Variants in DCC observed in about 807,000 individuals in gnomAD.
DCC encodes the protein netrin receptor DCC.
In DCC, 58 loss-of-function variants were observed where a neutral mutation model predicts 172.5. The ratio of observed to expected loss-of-function variants is 0.34; its 90% CI spans 0.27 to 0.42. The LOEUF (loss-of-function observed/expected upper bound fraction) is 0.42, where lower values mean the gene tolerates loss of function less well. Among genes scored for constraint, DCC ranks in the 10% least tolerant of loss-of-function variants. The probability of loss-of-function intolerance (pLI) is 1.00; values close to 1 mark genes in which losing one functional copy is unlikely to be tolerated. For synonymous variants in DCC, 709 were observed against 644.5 expected (o/e 1.10, Z -1.52); for missense variants, 1,740 against 1,791.0 (o/e 0.97, Z 0.51).
At chr18:53,504,370 G>T (rs905570147) in intron 27 of DCC, among the ~76,000 whole-genome samples, 1 of 152,142 alleles carries the variant, frequency 6.6e-6, no homozygotes, top group Admixed American at 6.5e-5. Flanking sequence ...CATTTTAAAG[G>T]CCAGTCAGAT....
intron 12 of DCC, among the ~76,000 whole-genome samples, chr18:53,253,750 C>T (rs1287189393): frequency 2.0e-5 from 3 of 152,054 alleles, no homozygotes; most frequent in African/African-American, 7.2e-5. Flanking sequence ...ATTTCTTAGA[C>T]TAAGACACCT....
intron 1 of DCC, among the ~76,000 whole-genome samples, chr18:52,485,861 A>G (rs2030192823): frequency 6.6e-6 from 1 of 152,164 alleles, no homozygotes; most frequent in East Asian, 1.9e-4. Context: ...CAAAAATAAA[A>G]TAATTTTTAT....
intron 9 of DCC, among the ~76,000 whole-genome samples, chr18:53,180,249 T>C (rs1381539958): frequency 1.3e-5 from 2 of 152,154 alleles, no homozygotes; most frequent in African/African-American, 4.8e-5. Flanking sequence ...GACAAGATGA[T>C]AACAAATTGG....
chr18:52,950,393 C>G (rs902840442), intron 5 of DCC, among the ~76,000 whole-genome samples: 3 of 152,180 alleles, frequency 2.0e-5, no homozygotes, highest in African/African-American at 7.2e-5. Flanking sequence ...TCTTTAAAAA[C>G]CATCACCACA....
chr18:53,481,837 G>A (rs1260078125), intron 25 of DCC, among the ~76,000 whole-genome samples: 3 of 152,136 alleles, frequency 2.0e-5, no homozygotes, highest in Non-Finnish European at 4.4e-5. Flanking sequence ...CTTGTTCAGG[G>A]AGCTAAGTAA....
chr18:53,167,357 C>T (rs4245257), intron 8 of DCC, among the ~76,000 whole-genome samples: 61,392 of 151,930 alleles, frequency 0.4, 13,339 homozygotes, highest in East Asian at 0.71. Flanking sequence ...CTTGTAGATA[C>T]AGGAGATTTT....
chr18:52,752,278 A>G lies in DCC; in HGVS notation c.316A>G (p.Arg106Gly). The G allele has an allele frequency of 6.2e-7, 1 of 1,614,172 alleles. No homozygotes were observed. The highest frequency in any genetic ancestry group is 8.5e-7 in the Non-Finnish European group (1 of 1,180,026). The change falls in exon 2 of 29, where the codon AGA becomes GGA. Residue 106 changes from arginine (R) to glycine (G), a missense_variant. Around this residue, in one of 2 missense-constraint regions of DCC, gnomAD observed 1,732 missense variants for 1,767.4 expected, o/e 0.98. Transcript: ENST00000442544. ...SLLIQNILHS[R>G]HHKPDEGLYQ... ...GCTGATACAAAACATACTTCATTCCAGACACCACAAGCCAGATGAGGGACT... is the reference window on the plus strand; with the variant it reads ...GCTGATACAAAACATACTTCATTCCGGACACCACAAGCCAGATGAGGGACT...
In DCC at chr18:52,765,200, ATTTTTTTT is replaced by A. The variant is rs563633847; in HGVS notation, c.412+12837_412+12844del. Among the ~76,000 whole-genome samples, 71 of 138,176 alleles carry A rather than the reference ATTTTTTTT, an allele frequency of 5.1e-4. 1 individual carries two copies. Among genetic ancestry groups the A allele is most frequent in the African/African-American group, 1.6e-3 (58 of 37,318 alleles). 90.6% of individuals were successfully genotyped at this position (138,176 alleles called of 152,430 possible). A position where few individuals can be genotyped will look rare whatever the true frequency, so the allele number is the denominator to read the frequency against. The stretch of plus-strand genomic sequence containing the variant: ...AGGCATGTGCTAGCACTCCTGGCTA[ATTTTTTTT>A]TTTTTTTTTTGTATTTTTAGTAGAG... On this transcript the variant is annotated intron_variant, in intron 2 of 28. Transcript: ENST00000442544.
chr18:53,202,568 G>A (rs1371647572), intron 9 of DCC, among the ~76,000 whole-genome samples: 3 of 152,194 alleles, frequency 2.0e-5, no homozygotes, highest in African/African-American at 4.8e-5. Flanking sequence ...ATTAGTAGAT[G>A]CTAAATCTAT....
At chr18:52,911,729 C>T (rs1000377834) in intron 3 of DCC, among the ~76,000 whole-genome samples, 77 of 94,080 alleles carry the variant, frequency 8.2e-4, no homozygotes, top group African/African-American at 2.2e-3. Context: ...TCATATTTAA[C>T]ATTTTTTTTT....
At chr18:53,027,679 C>T (rs1251472200) in intron 5 of DCC, among the ~76,000 whole-genome samples, 1 of 152,094 alleles carries the variant, frequency 6.6e-6, no homozygotes, top group Admixed American at 6.6e-5. Context: ...TTTCTCTCTT[C>T]TTTTTCTGTC....
chr18:53,311,062 C>T (rs1270475912), intron 13 of DCC, among the ~76,000 whole-genome samples: 2 of 151,776 alleles, frequency 1.3e-5, no homozygotes, highest in Non-Finnish European at 2.9e-5. Context: ...GCAGGAAACA[C>T]AGAATTCGTC....
Position 52,807,564 on chromosome 18 carries a change from G to A in DCC, c.412+55190G>A, listed in dbSNP as rs576499608. On this transcript the variant is annotated intron_variant, in intron 2 of 28. Coordinates refer to ENST00000442544, the MANE Select transcript of DCC (RefSeq NM_005215.4). ...TAGTAATGAATAGCAAAAAGAGGAT[G>A]CTGGAGGCTTTAATGGAAGAAGAAA... Among the ~76,000 whole-genome samples, 7 of 152,316 alleles carry A rather than the reference G, an allele frequency of 4.6e-5. No individual in the cohort carries two copies. The East Asian group carries it at 1.4e-3, about 29-fold the overall frequency.
At chr18:53,511,384 C>T (rs143835499) in intron 27 of DCC, among the ~76,000 whole-genome samples, 12 of 152,336 alleles carry the variant, frequency 7.9e-5, no homozygotes, top group African/African-American at 2.9e-4. Flanking sequence ...GCTGGGACTT[C>T]TGGAGTCAGG....
intron 5 of DCC, among the ~76,000 whole-genome samples, chr18:53,051,779 T>C (rs2042337279): frequency 1.3e-5 from 2 of 152,142 alleles, no homozygotes; most frequent in African/African-American, 4.8e-5. Context: ...ATATCTTATA[T>C]ATCTTTACGC....
chr18:53,322,444 T>A (rs1320243447), intron 14 of DCC, among the ~76,000 whole-genome samples: 1 of 152,296 alleles, frequency 6.6e-6, no homozygotes, highest in East Asian at 1.9e-4. Flanking sequence ...TTCTATTTAT[T>A]TTATTTTGAA....
At chr18:53,002,240 T>A (rs28393454) in intron 5 of DCC, among the ~76,000 whole-genome samples, 7 of 152,192 alleles carry the variant, frequency 4.6e-5, no homozygotes, top group South Asian at 2.1e-4. Context: ...TACCATGTGA[T>A]AGACTGGCCC....
At chr18:53,131,953 ATTTTTTTTTTTT>A (rs71175556) in intron 7 of DCC, among the ~76,000 whole-genome samples, 1 of 58,260 alleles carries the variant, frequency 1.7e-5, no homozygotes, top group Non-Finnish European at 3.1e-5. Flanking sequence ...TCTCTAAGTG[ATTTTTTTTTTTT>A]TTTTTTTTTT....
intron 1 of DCC, among the ~76,000 whole-genome samples, chr18:52,506,545 T>A (rs546970288): frequency 2.8e-4 from 42 of 152,114 alleles, no homozygotes; most frequent in Middle Eastern, 3.2e-3. Flanking sequence ...TAAAGCAATA[T>A]CTATTGTCTG....
Sources: gnomAD v4.1 joint callset for allele counts (sites outside exome capture counted in the v4.1 genomes callset) on GRCh38, gnomAD v4.1.1 for gene constraint, gnomAD v4.1.1 regional missense constraint, MANE v1.5 for transcripts, NCBI Gene and HGNC (gene_info 2026-07-23, HGNC 2026-07-21) for gene names.